LSM1: variants seen among roughly 807,000 people sequenced by gnomAD.
LSM1 encodes the protein LSM1 homolog, mRNA degradation associated.
A neutral mutation model predicts 18.0 loss-of-function variants in LSM1; 13 were observed. The ratio of observed to expected loss-of-function variants is 0.72; its 90% CI spans 0.47 to 1.15. The LOEUF (loss-of-function observed/expected upper bound fraction) is 1.15, where lower values mean the gene tolerates loss of function less well. LSM1 is among the 50% of genes most tolerant of loss of function. The probability of loss-of-function intolerance (pLI) is 0.00; values close to 1 mark genes in which losing one functional copy is unlikely to be tolerated. For synonymous variants in LSM1, 46 were observed against 56.0 expected (o/e 0.82, Z 0.80); for missense variants, 152 against 157.7 (o/e 0.96, Z 0.19).
intron 3 of LSM1, among the ~76,000 whole-genome samples, chr8:38,167,295 G>C (rs924699519): frequency 5.9e-5 from 9 of 152,202 alleles, no homozygotes; most frequent in African/African-American, 2.2e-4. Context: ...AATGTAACCA[G>C]TATAAAAAGC....
chr8:38,164,003 G>T (rs952045014), intron 3 of LSM1, among the ~76,000 whole-genome samples, 163 bp from the exon 4 acceptor site: 2 of 152,102 alleles, frequency 1.3e-5, no homozygotes, highest in Admixed American at 1.3e-4. Flanking sequence ...TCAAAGAAAT[G>T]CCTGACAACA....
At chr8:38,166,498 G>T (rs547754379) in intron 3 of LSM1, among the ~76,000 whole-genome samples, 2 of 152,312 alleles carry the variant, frequency 1.3e-5, no homozygotes, top group South Asian at 4.1e-4. Context: ...TCCTTAAAAT[G>T]AATGTACAGG....
At position 38,169,836 on chromosome 8, in the gene LSM1, A is replaced by G; in HGVS notation, c.197T>C (p.Val66Ala). The stretch of plus-strand genomic sequence containing the variant: ...TAGTAGGACCACATTTTCTCCTCTG[A>G]CCACAAAAATCCCTCGAGGAATATC... ...YGDIPRGIFV[V>A]RGENVVLLGE... Residue 66 changes from valine (V) to alanine (A), a missense_variant, in exon 3 of 4, where the codon GTC (valine) becomes GCC (alanine). By Grantham distance (64) the Val-to-Ala change is moderately conservative (BLOSUM62 0). Transcript: ENST00000311351. The G allele has an allele frequency of 6.2e-7, 1 of 1,613,678 alleles. No homozygotes were observed. Among genetic ancestry groups the G allele is most frequent in the Non-Finnish European group, 8.5e-7 (1 of 1,179,626 alleles).
chr8:38,170,793 G>A (rs1803014405), intron 2 of LSM1: 1 of 205,116 alleles, frequency 4.9e-6, no homozygotes. Context: ...TTCCCTCAAA[G>A]TACTCTGATG....
At chr8:38,167,471 T>C (rs184403098) in intron 3 of LSM1, among the ~76,000 whole-genome samples, 106 of 152,264 alleles carry the variant, frequency 7.0e-4, no homozygotes, top group African/African-American at 1.0e-3. Flanking sequence ...GCCTCCCAAG[T>C]AGCTGGGACT....
chr8:38,166,602 G>A (rs536477445), intron 3 of LSM1, among the ~76,000 whole-genome samples: 3 of 152,120 alleles, frequency 2.0e-5, no homozygotes, highest in East Asian at 1.9e-4. Context: ...AGTTTGGGAC[G>A]GTACTGACAC....
At chr8:38,173,004 T>C (rs1418178366) in intron 1 of LSM1, among the ~76,000 whole-genome samples, 1 of 152,110 alleles carries the variant, frequency 6.6e-6, no homozygotes, top group Non-Finnish European at 1.5e-5. Flanking sequence ...AATGGAATAA[T>C]AAACTAGCAA....
intron 2 of LSM1, among the ~76,000 whole-genome samples, chr8:38,171,585 T>G (rs544426259): frequency 6.6e-6 from 1 of 152,312 alleles, no homozygotes; most frequent in African/African-American, 2.4e-5. Context: ...AAGAATCACT[T>G]GAACCCAAGA....
intron 1 of LSM1, 178 bp downstream of exon 1, chr8:38,176,097 T>C (rs561666385): frequency 1.7e-4 from 87 of 520,050 alleles, no homozygotes; most frequent in African/African-American, 1.6e-3. Flanking sequence ...AGCAGGCTAC[T>C]GGGTGGGCAA....
In LSM1 at chr8:38,172,809, G is replaced by C. The variant is rs369425901; in HGVS notation, c.47-776C>G. The stretch of plus-strand genomic sequence containing the variant: ...TTTAAATAAAAACACAATGCTTCAG[G>C]CATTTAAAATGAAGACTAATAATAA... On this transcript the variant is annotated intron_variant, in intron 1 of 3. Coordinates refer to ENST00000311351, the MANE Select transcript of LSM1 (RefSeq NM_014462.3). 2.0e-5 allele frequency among the ~76,000 whole-genome samples: 3 copies of C among 152,218 alleles called. No individual in the cohort carries two copies. In the East Asian group the frequency reaches 5.8e-4, roughly 29 times the overall value.
Position 38,169,832 on chromosome 8 carries a change from T to C in LSM1, c.201A>G (p.Arg67=). 1 of 1,613,582 alleles carries C rather than the reference T, an allele frequency of 6.2e-7. No individual in the cohort carries two copies. The highest frequency in any genetic ancestry group is 8.5e-7 in the Non-Finnish European group (1 of 1,179,522). ...GDIPRGIFVV[R]GENVVLLGEI... ...CTCCTAGTAGGACCACATTTTCTCC[T>C]CTGACCACAAAAATCCCTCGAGGAA... The change falls in exon 3 of 4, where the codon AGA becomes AGG. Residue 67 remains arginine, a synonymous_variant. Coordinates refer to ENST00000311351, the MANE Select transcript of LSM1 (RefSeq NM_014462.3).
rs765403049 is a variant in LSM1, at chr8:38,176,295, C to T, written c.26G>A (p.Ser9Asn). Reference protein sequence around the residue: MNYMPGTASLIEDIDKKHL... With the variant: MNYMPGTANLIEDIDKKHL... ...CTCACTGTCAATGTCCTCGATGAGG[C>T]TGGCGGTGCCAGGCATATAGTTCAT... The change falls in exon 1 of 4, where the codon AGC becomes AAC. Residue 9 changes from serine to asparagine, a missense_variant. Ser to Asn is a conservative substitution (Grantham distance 46, BLOSUM62 1). Transcript: ENST00000311351. 6.2e-7 allele frequency: 1 copy of T among 1,613,576 alleles called. No individual in the cohort carries two copies. Among genetic ancestry groups the T allele is most frequent in the Non-Finnish European group, 8.5e-7 (1 of 1,179,848 alleles).
rs750856441 is a variant in LSM1 at position 38,163,725 on chromosome 8, G to A, written c.347C>T (p.Ala116Val). The A allele has an allele frequency of 7.4e-6, 12 of 1,614,140 alleles. No homozygotes were observed. In the South Asian group the frequency reaches 8.8e-5, roughly 12 times the overall value. ...AATGGAAAGACCTCGGTCCTTCAGGGCCTGCACTTTCAACTTCTCTGCTTC... is the reference window on the plus strand; with the variant it reads ...AATGGAAAGACCTCGGTCCTTCAGGACCTGCACTTTCAACTTCTCTGCTTC... Reference protein sequence around the residue: ...KLEAEKLKVQALKDRGLSIPR... With the variant: ...KLEAEKLKVQVLKDRGLSIPR... The change falls in exon 4 of 4, where the codon GCC becomes GTC. Residue 116 changes from alanine (A) to valine (V), a missense_variant. Coordinates refer to ENST00000311351, the MANE Select transcript of LSM1 (RefSeq NM_014462.3).
chr8:38,167,734 C>T (rs1306471733), intron 3 of LSM1, among the ~76,000 whole-genome samples: 3 of 152,112 alleles, frequency 2.0e-5, no homozygotes, highest in African/African-American at 7.2e-5. Flanking sequence ...CCCCACCATG[C>T]AGAGATGGGT....
At chr8:38,176,704 C>A, upstream of LSM1, 2 of 874,600 alleles carry the variant, frequency 2.3e-6, no homozygotes, top group Non-Finnish European at 3.3e-6. Flanking sequence ...GACCTCCGTC[C>A]CTCAGCTTTC....
At chr8:38,170,176 G>A (rs533002283) in intron 2 of LSM1, among the ~76,000 whole-genome samples, 4 of 152,256 alleles carry the variant, frequency 2.6e-5, no homozygotes, top group Admixed American at 2.0e-4. Flanking sequence ...GAGTAGCTGG[G>A]ACTACAGGTG....
intron 2 of LSM1, among the ~76,000 whole-genome samples, chr8:38,171,751 A>C (rs950195273): frequency 6.6e-6 from 1 of 152,232 alleles, no homozygotes; most frequent in Admixed American, 6.5e-5. Flanking sequence ...GATTCTACTG[A>C]AAGCCAGTTT....
At chr8:38,175,415 G>C (rs1387166906) in intron 1 of LSM1, among the ~76,000 whole-genome samples, 1 of 152,176 alleles carries the variant, frequency 6.6e-6, no homozygotes, top group Admixed American at 6.5e-5. Context: ...TATTCACAGA[G>C]TAACTGAGAC....
upstream of LSM1, chr8:38,176,714 C>CG: frequency 5.1e-6 from 5 of 988,026 alleles, no homozygotes; most frequent in East Asian, 3.0e-5. Flanking sequence ...CCTCAGCTTT[C>CG]GGGGTTCGGC....
Sources: allele counts gnomAD v4.1 joint callset (sites outside exome capture counted in the v4.1 genomes callset), GRCh38; gene constraint gnomAD v4.1.1; transcripts MANE v1.5; gene names NCBI Gene and HGNC (gene_info 2026-07-23, HGNC 2026-07-21).